The following CSMD1 variants were observed in gnomAD, a reference collection of about 807,000 sequenced individuals.
CSMD1 encodes CUB and Sushi multiple domains 1, also known as CUB and sushi domain-containing protein 1.
In CSMD1, 213 loss-of-function variants were observed where a neutral mutation model predicts 417.5. That is an observed-to-expected ratio of 0.51 (90% CI 0.46 to 0.57). CSMD1 has a LOEUF of 0.57. Among genes scored for constraint, CSMD1 ranks in the 20% least tolerant of loss-of-function variants. The probability of loss-of-function intolerance (pLI) is 0.00; values close to 1 mark genes in which losing one functional copy is unlikely to be tolerated. For synonymous variants in CSMD1, 2,862 were observed against 1,736.8 expected (o/e 1.65, Z -16.11); for missense variants, 6,923 against 4,529.7 (o/e 1.53, Z -15.17).
At chr8:3,636,143 T>A (rs530642579) in intron 7 of CSMD1, among the ~76,000 whole-genome samples, 1 of 152,214 alleles carries the variant, frequency 6.6e-6, no homozygotes, top group East Asian at 1.9e-4. Context: ...AGCCTAGGCC[T>A]ACAACACAGG....
intron 3 of CSMD1, among the ~76,000 whole-genome samples, chr8:4,207,128 G>T (rs946549450): frequency 1.3e-5 from 2 of 152,066 alleles, no homozygotes; most frequent in Non-Finnish European, 2.9e-5. Flanking sequence ...CTTAAAAATA[G>T]GACAGTTGGT....
At position 3,317,913 on chromosome 8, in the gene CSMD1, C is replaced by T. The variant is rs547009523; in HGVS notation, c.3632-9410G>A. On this transcript the variant is annotated intron_variant, in intron 23 of 69. Transcript: ENST00000635120. ...ACAGCCTTGACCTAGCAGGCTCAAGCGATCCTCCCACCTTAGCCTATTGAG... is the reference window on the plus strand; with the variant it reads ...ACAGCCTTGACCTAGCAGGCTCAAGTGATCCTCCCACCTTAGCCTATTGAG... 1.2e-4 allele frequency among the ~76,000 whole-genome samples: 18 copies of T among 152,276 alleles called. No homozygotes were observed. The South Asian group carries it at 1.2e-3, about 11-fold the overall frequency.
At chr8:3,279,633 G>C (rs1398072677) in intron 26 of CSMD1, among the ~76,000 whole-genome samples, 1 of 152,160 alleles carries the variant, frequency 6.6e-6, no homozygotes, top group Non-Finnish European at 1.5e-5. Flanking sequence ...AAACATACCT[G>C]AGACTGGGTG....
chr8:3,673,664 T>A (rs1453333174), intron 7 of CSMD1, among the ~76,000 whole-genome samples: 7 of 152,276 alleles, frequency 4.6e-5, no homozygotes, highest in African/African-American at 9.6e-5. Context: ...GCATTTACGG[T>A]GTGAGCTATT....
At chr8:4,545,993 C>G (rs1797613270) in intron 2 of CSMD1, among the ~76,000 whole-genome samples, 2 of 152,170 alleles carry the variant, frequency 1.3e-5, no homozygotes, top group Admixed American at 1.3e-4. Context: ...TGACCCCCTT[C>G]TACTGCATTC....
intron 12 of CSMD1, among the ~76,000 whole-genome samples, chr8:3,466,692 G>T (rs537715854): frequency 4.0e-5 from 6 of 150,390 alleles, no homozygotes; most frequent in African/African-American, 1.2e-4. Context: ...GTCTCCCAAA[G>T]CACTATGATT....
intron 2 of CSMD1, among the ~76,000 whole-genome samples, chr8:4,513,256 G>C (rs1197722157): frequency 1.3e-5 from 2 of 151,964 alleles, no homozygotes; most frequent in Non-Finnish European, 2.9e-5. Flanking sequence ...GGGGACAGGG[G>C]GTATATAAAT....
chr8:4,722,531 T>C (rs890135218), intron 1 of CSMD1, among the ~76,000 whole-genome samples: 2 of 152,044 alleles, frequency 1.3e-5, no homozygotes, highest in African/African-American at 4.8e-5. Context: ...AGGAGTATGC[T>C]CTGAATGGGG....
intron 3 of CSMD1, among the ~76,000 whole-genome samples, chr8:4,365,054 A>G (rs1271447496): frequency 6.6e-6 from 1 of 152,122 alleles, no homozygotes; most frequent in Non-Finnish European, 1.5e-5. Flanking sequence ...TTGTGAGGAC[A>G]TTTTCCATAT....
intron 7 of CSMD1, among the ~76,000 whole-genome samples, chr8:3,686,735 C>G (rs1290010700): frequency 6.6e-6 from 1 of 152,342 alleles, no homozygotes; most frequent in East Asian, 1.9e-4. Flanking sequence ...CCACGTTTCA[C>G]AAGCAAATAT....
At chr8:4,846,584 C>A (rs145538030) in intron 1 of CSMD1, among the ~76,000 whole-genome samples, 2 of 152,164 alleles carry the variant, frequency 1.3e-5, no homozygotes, top group Non-Finnish European at 2.9e-5. Context: ...TTTTCTACCC[C>A]CTGTAGGAGG....
intron 26 of CSMD1, among the ~76,000 whole-genome samples, chr8:3,233,065 T>C (rs1016101162): frequency 6.6e-6 from 1 of 150,762 alleles, no homozygotes; most frequent in African/African-American, 2.4e-5. Context: ...ACTTATCAAT[T>C]TGTTTGCTTA....
At chr8:3,446,396 C>T (rs73660011) in intron 12 of CSMD1, among the ~76,000 whole-genome samples, 7,777 of 152,270 alleles carry the variant, frequency 0.051, 501 homozygotes, top group East Asian at 0.2. Flanking sequence ...AACTGAGGAT[C>T]TGTCCTCTCT....
intron 3 of CSMD1, among the ~76,000 whole-genome samples, chr8:4,209,329 A>T (rs2131281117): frequency 6.6e-6 from 1 of 152,280 alleles, no homozygotes; most frequent in East Asian, 1.9e-4. Flanking sequence ...ATCTTCCCTC[A>T]AACTCACAGG....
In CSMD1 at chr8:3,331,237, C is replaced by CAAAAAAAAAAA. The variant is rs112278319; in HGVS notation, c.3631+12046_3631+12056dup. On this transcript the variant is annotated intron_variant, in intron 23 of 69. Transcript: ENST00000635120. ...TGGCCGACAGAACGAGACTCCGTCT[C>CAAAAAAAAAAA]AAAAAAAAAAAAAAAGAAAAGCAAC... is the stretch of plus-strand genomic sequence containing the variant. Among the ~76,000 whole-genome samples, 39 of 128,506 alleles carry CAAAAAAAAAAA rather than the reference C, an allele frequency of 3.0e-4. 1 individual carries two copies. Among genetic ancestry groups the CAAAAAAAAAAA allele is most frequent in the African/African-American group, 1.2e-3 (37 of 31,356 alleles). The allele number at this position is 128,506 out of a possible 152,430, so 84.3% of individuals were successfully genotyped here.
intron 3 of CSMD1, among the ~76,000 whole-genome samples, chr8:4,098,990 C>T (rs940261334): frequency 1.3e-5 from 2 of 152,132 alleles, no homozygotes; most frequent in Non-Finnish European, 2.9e-5. Context: ...TACACATGAA[C>T]TCTCTTAGAC....
chr8:3,164,451 A>G (rs1820089421), intron 37 of CSMD1, among the ~76,000 whole-genome samples: 1 of 152,220 alleles, frequency 6.6e-6, no homozygotes, highest in Admixed American at 6.5e-5. Context: ...AATATATACA[A>G]TCACTTAGGC....
intron 2 of CSMD1, among the ~76,000 whole-genome samples, chr8:4,481,881 A>T (rs796910481): frequency 1.3e-5 from 2 of 152,304 alleles, no homozygotes; most frequent in African/African-American, 4.8e-5. Context: ...CTGTAGCACA[A>T]TGAGATCAAG....
chr8:3,752,968 C>T (rs540906080), intron 6 of CSMD1, among the ~76,000 whole-genome samples: 6 of 152,138 alleles, frequency 3.9e-5, no homozygotes, highest in Non-Finnish European at 8.8e-5. Context: ...AAATCTCCAG[C>T]AGGAGCTATA....
Sources: gnomAD v4.1 joint callset for allele counts (sites outside exome capture counted in the v4.1 genomes callset) on GRCh38, gnomAD v4.1.1 for gene constraint, MANE v1.5 for transcripts, NCBI Gene and HGNC (gene_info 2026-07-23, HGNC 2026-07-21) for gene names.